PSMB7: variants seen among roughly 807,000 people sequenced by gnomAD.
The protein encoded by PSMB7 is proteasome 20S subunit beta 7, also known as proteasome subunit beta type-7.
Under a neutral mutation model 28.1 loss-of-function variants are expected in PSMB7, and 5 were observed. The observed-to-expected ratio is 0.18, with a 90% CI of 0.09 to 0.37. The LOEUF (loss-of-function observed/expected upper bound fraction) is 0.37, where lower values mean the gene tolerates loss of function less well. Ranked by LOEUF, PSMB7 falls within the 10% of genes least tolerant of loss-of-function variation. The probability of loss-of-function intolerance (pLI) is 1.00; values close to 1 mark genes in which losing one functional copy is unlikely to be tolerated. For synonymous variants in PSMB7, 122 were observed against 123.7 expected (o/e 0.99, Z 0.09); for missense variants, 275 against 346.2 (o/e 0.79, Z 1.63).
chr9:124,368,714 G>T (rs970985078), intron 6 of PSMB7, among the ~76,000 whole-genome samples: 1 of 152,196 alleles, frequency 6.6e-6, no homozygotes, highest in Non-Finnish European at 1.5e-5. Flanking sequence ...AATTTTCTTT[G>T]AAAGTTTCAG....
chr9:124,362,936 C>T (rs1830476620), intron 6 of PSMB7, among the ~76,000 whole-genome samples: 1 of 152,072 alleles, frequency 6.6e-6, no homozygotes, highest in Non-Finnish European at 1.5e-5. Context: ...TTTGAAATAG[C>T]AAAAAATTCC....
At chr9:124,382,106 T>C (rs1830672871) in intron 6 of PSMB7, among the ~76,000 whole-genome samples, 1 of 150,634 alleles carries the variant, frequency 6.6e-6, no homozygotes, top group Admixed American at 6.6e-5. Flanking sequence ...AAGAATTGCT[T>C]GAACCCAGGA....
intron 6 of PSMB7, among the ~76,000 whole-genome samples, chr9:124,364,661 C>T (rs1395543275): frequency 2.0e-5 from 3 of 152,100 alleles, no homozygotes; most frequent in Non-Finnish European, 2.9e-5. Flanking sequence ...AAAAACAACG[C>T]GGCCCGTGAT....
chr9:124,354,211 G>A (rs185490003), intron 7 of PSMB7, among the ~76,000 whole-genome samples: 150 of 152,324 alleles, frequency 9.8e-4, no homozygotes, highest in East Asian at 1.9e-3. Flanking sequence ...TGTCATTTCA[G>A]ACCACTCTCA....
chr9:124,412,566 A>G, intron 3 of PSMB7, 74 bp from the exon 4 acceptor site: 1 of 1,514,812 alleles, frequency 6.6e-7, no homozygotes, highest in Non-Finnish European at 9.1e-7. Flanking sequence ...GGGTTCTTGG[A>G]TAACTTCCAT....
intron 5 of PSMB7, among the ~76,000 whole-genome samples, chr9:124,393,894 G>A (rs1830816810): frequency 6.6e-6 from 1 of 152,176 alleles, no homozygotes. Context: ...CAAAATGGAG[G>A]ACGAAAATGA....
intron 4 of PSMB7, among the ~76,000 whole-genome samples, chr9:124,406,095 A>G (rs1229511559): frequency 6.6e-6 from 1 of 152,228 alleles, no homozygotes; most frequent in Non-Finnish European, 1.5e-5. Flanking sequence ...GACTGACTCC[A>G]AAGATTATCA....
Position 124,412,640 on chromosome 9 carries a change from C to T in PSMB7, c.255-148G>A, listed in dbSNP as rs558516077. 45 of 759,340 alleles carry T rather than the reference C, an allele frequency of 5.9e-5. 2 individuals carry two copies. The South Asian group carries it at 9.9e-4, about 17-fold the overall frequency. 47.0% of individuals were successfully genotyped at this position (759,340 alleles called of 1,614,324 possible). On this transcript the variant is annotated intron_variant, in intron 3 of 7. Transcript: ENST00000259457. ...TGCTGTAACTTCTCTGTTTAGTCAA[C>T]CTTAAATAAACAGAAAATTGAGAAT...
At chr9:124,371,386 G>A (rs1830561154) in intron 6 of PSMB7, among the ~76,000 whole-genome samples, 1 of 152,030 alleles carries the variant, frequency 6.6e-6, no homozygotes, top group Admixed American at 6.5e-5. Context: ...TCTAACCACA[G>A]ACGACCTCTT....
At chr9:124,387,468 T>G (rs567613640) in intron 5 of PSMB7, among the ~76,000 whole-genome samples, 12 of 151,812 alleles carry the variant, frequency 7.9e-5, no homozygotes, top group Middle Eastern at 3.4e-3. Context: ...CCCCTTTTTA[T>G]ACCTCAAAAA....
At chr9:124,401,699 A>G (rs1441815048) in intron 5 of PSMB7, among the ~76,000 whole-genome samples, 1 of 152,174 alleles carries the variant, frequency 6.6e-6, no homozygotes, top group African/African-American at 2.4e-5. Flanking sequence ...TGCCTGCTAT[A>G]GTGCCTTTAC....
intron 6 of PSMB7, among the ~76,000 whole-genome samples, chr9:124,373,301 T>C (rs1029756812): frequency 3.3e-5 from 5 of 152,184 alleles, no homozygotes; most frequent in African/African-American, 1.2e-4. Flanking sequence ...ACCCCAGGGA[T>C]TGTATGTTAG....
intron 6 of PSMB7, among the ~76,000 whole-genome samples, chr9:124,382,200 CTTTTT>C (rs1164339420): frequency 3.6e-5 from 2 of 55,962 alleles, no homozygotes; most frequent in Non-Finnish European, 3.1e-5. Context: ...TCTCTTTTCT[CTTTTT>C]TTTTTTTTTT....
At chr9:124,369,113 C>T (rs781705095) in intron 6 of PSMB7, among the ~76,000 whole-genome samples, 7 of 152,308 alleles carry the variant, frequency 4.6e-5, no homozygotes, top group Middle Eastern at 6.8e-3. Context: ...GTGACAATGA[C>T]GGCGAGAATG....
chr9:124,369,742 T>G (rs1281822450), intron 6 of PSMB7, among the ~76,000 whole-genome samples: 2 of 152,088 alleles, frequency 1.3e-5, no homozygotes, highest in Non-Finnish European at 2.9e-5. Context: ...CTGTCCGGAA[T>G]GGTCTCCTTC....
rs983581571 is a variant in PSMB7 at position 124,357,955 on chromosome 9, G to C, written c.571-1040C>G. On this transcript the variant is annotated intron_variant, in intron 6 of 7. Coordinates refer to ENST00000259457, the MANE Select transcript of PSMB7 (RefSeq NM_002799.4). ...ACAGCAGTGAAACAGAAGGCAGGCAGCAACGGCAGTGGTACTGGACCTGGG... is the reference window on the plus strand; with the variant it reads ...ACAGCAGTGAAACAGAAGGCAGGCACCAACGGCAGTGGTACTGGACCTGGG... Among the ~76,000 whole-genome samples the C allele has an allele frequency of 2.6e-5, 4 of 152,238 alleles. No homozygotes were observed. In the South Asian group the frequency reaches 8.3e-4, roughly 32 times the overall value.
intron 6 of PSMB7, among the ~76,000 whole-genome samples, chr9:124,359,385 C>T (rs1306979636): frequency 2.0e-5 from 3 of 152,198 alleles, no homozygotes; most frequent in Non-Finnish European, 2.9e-5. Context: ...AATCAATCAA[C>T]ATCTACCAGC....
intron 4 of PSMB7, among the ~76,000 whole-genome samples, chr9:124,410,264 G>T (rs1323391804): frequency 6.6e-6 from 1 of 152,136 alleles, no homozygotes; most frequent in Non-Finnish European, 1.5e-5. Context: ...AAAGTGCTGA[G>T]ATTACAGGCA....
intron 6 of PSMB7, among the ~76,000 whole-genome samples, chr9:124,365,244 A>T (rs1362510951): frequency 2.6e-5 from 4 of 152,172 alleles, no homozygotes; most frequent in Non-Finnish European, 5.9e-5. Flanking sequence ...GGAAACAAGG[A>T]GATAATCTCA....
Sources: allele counts gnomAD v4.1 joint callset (sites outside exome capture counted in the v4.1 genomes callset), GRCh38; gene constraint gnomAD v4.1.1; transcripts MANE v1.5; gene names NCBI Gene and HGNC (gene_info 2026-07-23, HGNC 2026-07-21).